Variants in IL17RD observed in about 807,000 individuals in gnomAD.
IL17RD encodes the protein interleukin 17 receptor D, also known as interleukin-17 receptor D.
Under a neutral mutation model 80.5 loss-of-function variants are expected in IL17RD, and 52 were observed. That is an observed-to-expected ratio of 0.65 (90% CI 0.52 to 0.81). IL17RD has a LOEUF of 0.81. Ranked by LOEUF, IL17RD falls within the 40% of genes least tolerant of loss-of-function variation. The pLI, the probability that IL17RD is intolerant of heterozygous loss-of-function variation, is 0.00. For missense variants in IL17RD, 1,024 were observed against 955.1 expected, an observed-to-expected ratio of 1.07 and a Z score of -0.95; for synonymous variants, 416 against 391.8, an observed-to-expected ratio of 1.06 and a Z score of -0.73.
chr3:57,107,525 C>T (rs1007998472), intron 5 of IL17RD, among the ~76,000 whole-genome samples: 4 of 152,178 alleles, frequency 2.6e-5, no homozygotes, highest in African/African-American at 9.7e-5. Context: ...TGCAACCAGA[C>T]CTCACAGGAG....
intron 1 of IL17RD, chr3:57,134,863 C>T: frequency 2.9e-6 from 1 of 342,376 alleles, no homozygotes; most frequent in Non-Finnish European, 5.6e-6. Context: ...CCTGCAATCC[C>T]AGCACTTTGA....
intron 1 of IL17RD, among the ~76,000 whole-genome samples, chr3:57,154,185 G>A (rs1559486387): frequency 6.6e-6 from 1 of 151,112 alleles, no homozygotes; most frequent in Non-Finnish European, 1.5e-5. Flanking sequence ...GGAGTTCAAG[G>A]CTGCAACGAG....
chr3:57,147,340 AG>A (rs1197658876), intron 1 of IL17RD, among the ~76,000 whole-genome samples: 1 of 152,210 alleles, frequency 6.6e-6, no homozygotes, highest in African/African-American at 2.4e-5. Context: ...AAATAGCCTC[AG>A]GGAAAAATTT....
intron 1 of IL17RD, among the ~76,000 whole-genome samples, chr3:57,163,788 G>GTC: frequency 9.6e-6 from 1 of 103,700 alleles, no homozygotes; most frequent in Non-Finnish European, 1.9e-5. Context: ...AATGGGGCGG[G>GTC]GGGGCGGGGG....
At chr3:57,138,939 C>CAAAAAAAA (rs1026336884) in intron 1 of IL17RD, among the ~76,000 whole-genome samples, 4 of 40,476 alleles carry the variant, frequency 9.9e-5, no homozygotes, top group Admixed American at 5.3e-4. Flanking sequence ...AACTCCATCT[C>CAAAAAAAA]AAAAAAAAAA....
chr3:57,112,813 T>A (rs1383802301), intron 3 of IL17RD, among the ~76,000 whole-genome samples: 1 of 152,226 alleles, frequency 6.6e-6, no homozygotes, highest in African/African-American at 2.4e-5. Context: ...GATTAAGAAA[T>A]TCAGACTTTA....
At chr3:57,136,417 G>A (rs559497485) in intron 1 of IL17RD, among the ~76,000 whole-genome samples, 4 of 152,208 alleles carry the variant, frequency 2.6e-5, no homozygotes, top group African/African-American at 9.6e-5. Flanking sequence ...AGGAATGCTC[G>A]AGACCAGGAA....
intron 1 of IL17RD, among the ~76,000 whole-genome samples, chr3:57,136,784 A>G (rs1707740795): frequency 6.6e-6 from 1 of 152,198 alleles, no homozygotes; most frequent in Non-Finnish European, 1.5e-5. Flanking sequence ...AGAGCTTGAA[A>G]TATGCTTTTG....
rs61740622 is a variant in IL17RD, at chr3:57,097,779, C to T, written c.1924G>A (p.Ala642Thr). ...ACCGTGTGCAGCAGGGGTTGCAGGG[C>T]GGCGCTACCGTCAAGGGCAGGCCGG... ...EARPALDGSA[A>T]LQPLLHTVKA... The change falls in exon 12 of 13, where the codon GCC becomes ACC. Residue 642 changes from alanine to threonine, a missense_variant. By Grantham distance (58) the Ala-to-Thr change is moderately conservative (BLOSUM62 0). Transcript: ENST00000296318. 8.5e-5 allele frequency: 136 copies of T among 1,601,780 alleles called. No individual in the cohort carries two copies. Among genetic ancestry groups the T allele is most frequent in the Non-Finnish European group, 1.0e-4 (123 of 1,173,948 alleles).
At chr3:57,105,738 A>G in intron 7 of IL17RD, 119 bp downstream of exon 7, 1 of 752,494 alleles carries the variant, frequency 1.3e-6, no homozygotes, top group Non-Finnish European at 2.2e-6. Flanking sequence ...ATTCTCAAGT[A>G]TCTACCAACC....
Position 57,098,267 on chromosome 3 carries a change from T to G in IL17RD, c.1436A>C (p.Tyr479Ser), listed in dbSNP as rs1444246706. 6.2e-7 allele frequency: 1 copy of G among 1,613,838 alleles called. No homozygotes were observed. Residue 479 changes from tyrosine to serine, a missense_variant, in exon 12 of 13, where the codon TAC (tyrosine) becomes TCC (serine). Transcript: ENST00000296318. ...SAALSKFIAV[Y>S]FDYSCEGDVP... is the part of the protein sequence containing the mutation. ...GTCTCCCTCGCAGGAATAATCAAAGTAGACGGCGATAAACTTGCTGAGCGC... is the reference window on the plus strand; with the variant it reads ...GTCTCCCTCGCAGGAATAATCAAAGGAGACGGCGATAAACTTGCTGAGCGC...
At chr3:57,132,153 T>A (rs998248922) in intron 1 of IL17RD, among the ~76,000 whole-genome samples, 1 of 150,750 alleles carries the variant, frequency 6.6e-6, no homozygotes, top group African/African-American at 2.4e-5. Context: ...ACCACCACAC[T>A]CCAGACTGGG....
chr3:57,135,708 AAC>A (rs1264654499), intron 1 of IL17RD, among the ~76,000 whole-genome samples: 1 of 152,238 alleles, frequency 6.6e-6, no homozygotes, highest in African/African-American at 2.4e-5. Context: ...TGGAGGAAAT[AAC>A]AAAAAGAGCC....
At chr3:57,146,818 TTC>T (rs1707941322) in intron 1 of IL17RD, among the ~76,000 whole-genome samples, 1 of 138,428 alleles carries the variant, frequency 7.2e-6, no homozygotes, top group African/African-American at 2.8e-5. Context: ...GTGAGAGGTA[TTC>T]TTTTTTTTTT....
intron 9 of IL17RD, 126 bp downstream of exon 9, chr3:57,102,965 T>G (rs1478272290): frequency 3.1e-6 from 2 of 652,074 alleles, no homozygotes; most frequent in African/African-American, 3.7e-5. Context: ...TCAGATTTGA[T>G]GGAACATCAT....
At position 57,104,387 on chromosome 3, in the gene IL17RD, G is replaced by A. The variant is rs763351531; in HGVS notation, c.768C>T (p.Thr256=). The A allele has an allele frequency of 1.9e-5, 31 of 1,609,692 alleles. No homozygotes were observed. The Admixed American group carries it at 3.5e-4, about 18-fold the overall frequency. ...TCKQEQTTET[T]SCLLQNVSPG... ...GAGAAACATTTTGAAGGAGGCAGCT[G>A]GTCGTCTCTGTAGTTTGCTCCTGCA... The change falls in exon 8 of 13, where the codon ACC becomes ACT. Residue 256 remains threonine, a synonymous_variant. Transcript: ENST00000296318.
chr3:57,150,534 C>T (rs1227429099), intron 1 of IL17RD: 1 of 152,244 alleles, frequency 6.6e-6, no homozygotes, highest in Non-Finnish European at 1.5e-5. Flanking sequence ...TAATTGTCTA[C>T]CTCCGAGGCT....
intron 10 of IL17RD, among the ~76,000 whole-genome samples, chr3:57,101,838 A>G (rs1706837997): frequency 6.6e-6 from 1 of 152,234 alleles, no homozygotes; most frequent in Non-Finnish European, 1.5e-5. Flanking sequence ...AGACCAAGCT[A>G]TGGATCATTT....
At chr3:57,098,811 G>T (rs1451589146) in intron 11 of IL17RD, among the ~76,000 whole-genome samples, 2 of 152,236 alleles carry the variant, frequency 1.3e-5, no homozygotes, top group Non-Finnish European at 2.9e-5. Context: ...ACAAGTGAGG[G>T]GACAGAAGCG....
Sources: gnomAD v4.1 joint callset for allele counts (sites outside exome capture counted in the v4.1 genomes callset) on GRCh38, gnomAD v4.1.1 for gene constraint, MANE v1.5 for transcripts, NCBI Gene and HGNC (gene_info 2026-07-23, HGNC 2026-07-21) for gene names.